B3GALT1: variants seen among roughly 807,000 people sequenced by gnomAD.
B3GALT1 encodes the protein UDP-Gal:betaGlcNAc beta 1,3-galactosyltransferase, polypeptide 1.
A neutral mutation model predicts 23.2 loss-of-function variants in B3GALT1; 10 were observed. The ratio of observed to expected loss-of-function variants is 0.43; its 90% CI spans 0.27 to 0.73. The LOEUF is 0.73. Ranked by LOEUF, B3GALT1 falls within the 30% of genes least tolerant of loss-of-function variation. The pLI, the probability that B3GALT1 is intolerant of heterozygous loss-of-function variation, is 0.21. For missense variants in B3GALT1, 299 were observed against 405.4 expected (o/e 0.74, Z 2.25); for synonymous variants, 156 against 141.5 (o/e 1.10, Z -0.73).
chr2:167,488,293 C>A (rs1278132062), intron 1 of B3GALT1, among the ~76,000 whole-genome samples: 1 of 152,214 alleles, frequency 6.6e-6, no homozygotes, highest in Non-Finnish European at 1.5e-5. Context: ...TATAGGCCTT[C>A]TCCCAATGCT....
At chr2:167,555,061 T>C (rs1683818734) in intron 2 of B3GALT1, among the ~76,000 whole-genome samples, 1 of 152,178 alleles carries the variant, frequency 6.6e-6, no homozygotes. Flanking sequence ...ATGTGTGTAA[T>C]AGACTTATAT....
intron 3 of B3GALT1, among the ~76,000 whole-genome samples, chr2:167,780,245 T>C (rs1217393060): frequency 6.6e-6 from 1 of 152,346 alleles, no homozygotes; most frequent in East Asian, 1.9e-4. Flanking sequence ...GGTATTGCAT[T>C]GCACACAATG....
chr2:167,389,642 A>G lies in B3GALT1; in HGVS notation c.-511+96308A>G, dbSNP rs578033376. 4.5e-4 allele frequency among the ~76,000 whole-genome samples: 69 copies of G among 152,300 alleles called. No individual in the cohort carries two copies. The South Asian group carries it at 0.014, about 31-fold the overall frequency. ...TGGTAGGGTGAACTAGAATTGCATG[A>G]CAGTTATAGGAAATTTGTTTATTTG... On this transcript the variant is annotated intron_variant, in intron 1 of 4. Transcript: ENST00000392690.
At chr2:167,582,598 T>C (rs1351123263) in intron 2 of B3GALT1, among the ~76,000 whole-genome samples, 1 of 152,136 alleles carries the variant, frequency 6.6e-6, no homozygotes, top group Non-Finnish European at 1.5e-5. Context: ...GGTTTTCTCA[T>C]TTTTCCCTTT....
At chr2:167,809,125 T>G (rs1688824338) in intron 3 of B3GALT1, among the ~76,000 whole-genome samples, 1 of 152,258 alleles carries the variant, frequency 6.6e-6, no homozygotes, top group Non-Finnish European at 1.5e-5. Flanking sequence ...GCCTTGGTTT[T>G]CAGCTCCATC....
At chr2:167,666,093 G>A (rs377223252) in intron 3 of B3GALT1, among the ~76,000 whole-genome samples, 1 of 152,088 alleles carries the variant, frequency 6.6e-6, no homozygotes, top group African/African-American at 2.4e-5. Flanking sequence ...ATTTAGTGCT[G>A]TAAATTTCCC....
chr2:167,566,496 T>TATA lies in B3GALT1; in HGVS notation c.-410+76236_-410+76238dup, dbSNP rs567728985. Among the ~76,000 whole-genome samples the TATA allele has an allele frequency of 1.3e-3, 193 of 150,636 alleles. 3 individuals carry two copies. Among genetic ancestry groups the TATA allele is most frequent in the African/African-American group, 2.6e-3 (108 of 40,956 alleles). On this transcript the variant is annotated intron_variant, in intron 2 of 4. Coordinates refer to ENST00000392690, the MANE Select transcript of B3GALT1 (RefSeq NM_020981.4). ...TGCACATGTACCCTAAAACTTAAAG[T>TATA]ATAATAATAATAATAATAAAAGAAT...
chr2:167,647,131 A>G (rs1265158070), intron 3 of B3GALT1, among the ~76,000 whole-genome samples, 165 bp downstream of exon 3: 1 of 152,230 alleles, frequency 6.6e-6, no homozygotes, highest in Non-Finnish European at 1.5e-5. Context: ...CTTCTCAAGT[A>G]TATTTAATGT....
intron 3 of B3GALT1, among the ~76,000 whole-genome samples, chr2:167,700,212 C>T (rs1035626443): frequency 9.9e-5 from 15 of 151,996 alleles, no homozygotes; most frequent in African/African-American, 3.1e-4. Context: ...TCACTGCACT[C>T]GAACCTGGGT....
At chr2:167,628,802 C>T (rs1685390082) in intron 2 of B3GALT1, among the ~76,000 whole-genome samples, 1 of 151,510 alleles carries the variant, frequency 6.6e-6, no homozygotes, top group Admixed American at 6.6e-5. Flanking sequence ...TAACTGTAAG[C>T]AGTAAAGGCC....
chr2:167,854,761 T>C (rs115553286), intron 4 of B3GALT1, among the ~76,000 whole-genome samples: 88 of 152,260 alleles, frequency 5.8e-4, no homozygotes, highest in African/African-American at 2.1e-3. Flanking sequence ...TAAGGGGGAA[T>C]TGGAACAGGA....
intron 3 of B3GALT1, among the ~76,000 whole-genome samples, chr2:167,665,132 GT>G (rs1484977769): frequency 1.3e-5 from 2 of 151,556 alleles, no homozygotes; most frequent in Admixed American, 1.3e-4. Flanking sequence ...TTTGAGATAT[GT>G]CCCATCAATA....
intron 2 of B3GALT1, chr2:167,631,537 T>C (rs1243781238): frequency 2.0e-5 from 3 of 151,870 alleles, no homozygotes; most frequent in Non-Finnish European, 2.9e-5. Context: ...AGAGGCCTAA[T>C]ACTAATCTGG....
chr2:167,405,270 G>A (rs991497291), intron 1 of B3GALT1, among the ~76,000 whole-genome samples: 3 of 152,056 alleles, frequency 2.0e-5, no homozygotes, highest in Non-Finnish European at 2.9e-5. Context: ...TTCTATATCA[G>A]TAGTAGTAAA....
chr2:167,773,932 T>G (rs1688114685), intron 3 of B3GALT1, among the ~76,000 whole-genome samples: 2 of 152,224 alleles, frequency 1.3e-5, no homozygotes, highest in African/African-American at 4.8e-5. Context: ...GTGTTTTCAG[T>G]GAGCTAATTG....
rs534524917 is a variant in B3GALT1 at position 167,642,293 on chromosome 2, AG to A, written c.-409-4615del. On this transcript the variant is annotated intron_variant, in intron 2 of 4. Transcript: ENST00000392690. Reference sequence around the variant, plus strand: ...GTCAGGGATTTTATTTTGCCCTAGAAGATAGTTAACCTAAAGCTATATCTTA... The same window carrying A: ...GTCAGGGATTTTATTTTGCCCTAGAAATAGTTAACCTAAAGCTATATCTTA... Among the ~76,000 whole-genome samples, 12 of 152,344 alleles carry A rather than the reference AG, an allele frequency of 7.9e-5. No individual in the cohort carries two copies. The South Asian group carries it at 2.5e-3, about 32-fold the overall frequency.
rs189550232 is a variant in B3GALT1 at position 167,809,236 on chromosome 2, C to T, written c.-351-9436C>T. On this transcript the variant is annotated intron_variant, in intron 3 of 4. Coordinates refer to ENST00000392690, the MANE Select transcript of B3GALT1 (RefSeq NM_020981.4). Reference sequence around the variant, plus strand: ...TCTTTGCCATGGGTTCGAAATTCCTCCTTTAGCTCGGAGTAGTTTGATCGT... The same window carrying T: ...TCTTTGCCATGGGTTCGAAATTCCTTCTTTAGCTCGGAGTAGTTTGATCGT... Among the ~76,000 whole-genome samples the T allele has an allele frequency of 5.4e-3, 821 of 152,292 alleles. 8 individuals carry two copies. Among genetic ancestry groups the T allele is most frequent in the Middle Eastern group, 0.034 (10 of 294 alleles).
rs1690385457 is a variant in B3GALT1 at position 167,873,200 on chromosome 2, C to CAG, written c.*3181_*3182dup. On this transcript the variant is annotated 3_prime_UTR_variant, in exon 5 of 5. Coordinates refer to ENST00000392690, the MANE Select transcript of B3GALT1 (RefSeq NM_020981.4). ...TTTTCCATTATGCACTGGATAATAA[C>CAG]AGTATCAGTGTCTATGTTCTTAAAG... 6.6e-6 allele frequency: 1 copy of CAG among 152,034 alleles called. No homozygotes were observed. Among genetic ancestry groups the CAG allele is most frequent in the African/African-American group, 2.4e-5 (1 of 41,380 alleles). The allele number at this position is 152,034 out of a possible 1,614,324, so 9.4% of individuals were successfully genotyped here.
At chr2:167,868,535 A>G (rs913267389) in intron 4 of B3GALT1, among the ~76,000 whole-genome samples, 9 of 151,248 alleles carry the variant, frequency 6.0e-5, no homozygotes, top group Admixed American at 5.9e-4. Context: ...GGGAATTCTT[A>G]TTTAAAAATG....
Sources: gnomAD v4.1 joint callset for allele counts (sites outside exome capture counted in the v4.1 genomes callset) on GRCh38, gnomAD v4.1.1 for gene constraint, MANE v1.5 for transcripts, NCBI Gene and HGNC (gene_info 2026-07-23, HGNC 2026-07-21) for gene names.